ADK: variants seen among roughly 807,000 people sequenced by gnomAD.
ADK encodes adenosine kinase.
In ADK, 24 loss-of-function variants were observed where a neutral mutation model predicts 44.7. That is an observed-to-expected ratio of 0.54 (90% CI 0.39 to 0.76). The LOEUF (loss-of-function observed/expected upper bound fraction) is 0.76, where lower values mean the gene tolerates loss of function less well. Among genes scored for constraint, ADK ranks in the 30% least tolerant of loss-of-function variants. The pLI is 0.00. For synonymous variants in ADK, 128 were observed against 142.6 expected, an observed-to-expected ratio of 0.90 and a Z score of 0.73; for missense variants, 321 against 425.1, an observed-to-expected ratio of 0.76 and a Z score of 2.15.
chr10:74,441,967 A>G (rs1027938222), intron 6 of ADK, among the ~76,000 whole-genome samples: 3 of 152,110 alleles, frequency 2.0e-5, no homozygotes, highest in Non-Finnish European at 4.4e-5. Context: ...GTCCCTAATC[A>G]TCAAAGAAAT....
At chr10:74,216,382 C>T (rs1281512543) in intron 2 of ADK, among the ~76,000 whole-genome samples, 2 of 151,668 alleles carry the variant, frequency 1.3e-5, no homozygotes, top group Non-Finnish European at 2.9e-5. Flanking sequence ...TCCTTCTCTG[C>T]CTTCAAAATG....
At chr10:74,544,155 T>TA (rs1390839822) in intron 7 of ADK, among the ~76,000 whole-genome samples, 2 of 152,236 alleles carry the variant, frequency 1.3e-5, no homozygotes, top group East Asian at 3.8e-4. Flanking sequence ...TTACAATGCT[T>TA]ACATGTTTCT....
intron 1 of ADK, among the ~76,000 whole-genome samples, chr10:74,191,332 T>G (rs1332636078): frequency 2.0e-5 from 3 of 151,846 alleles, no homozygotes; most frequent in Admixed American, 6.6e-5. Context: ...GAAGAGAGGA[T>G]TTTTGGAGGT....
At chr10:74,447,170 A>C (rs1173762898) in intron 6 of ADK, among the ~76,000 whole-genome samples, 1 of 152,206 alleles carries the variant, frequency 6.6e-6, no homozygotes, top group Non-Finnish European at 1.5e-5. Flanking sequence ...GAAGCCTCAC[A>C]GAAAAGAATT....
chr10:74,569,217 A>T (rs1850829203), intron 7 of ADK, among the ~76,000 whole-genome samples: 1 of 152,180 alleles, frequency 6.6e-6, no homozygotes, highest in African/African-American at 2.4e-5. Context: ...TGCTATTGTG[A>T]ATAGTGCCGC....
At chr10:74,465,206 C>T (rs1846309025) in intron 6 of ADK, among the ~76,000 whole-genome samples, 1 of 152,010 alleles carries the variant, frequency 6.6e-6, no homozygotes, top group Admixed American at 6.6e-5. Flanking sequence ...GCAAGTTGTG[C>T]ACATATTAGG....
At chr10:74,543,244 G>A (rs1379895901) in intron 7 of ADK, among the ~76,000 whole-genome samples, 1 of 150,262 alleles carries the variant, frequency 6.7e-6, no homozygotes, top group African/African-American at 2.5e-5. Context: ...GGGTCTCACT[G>A]TGTTGCCCAG....
At chr10:74,343,407 T>G (rs1841652581) in intron 4 of ADK, among the ~76,000 whole-genome samples, 1 of 152,158 alleles carries the variant, frequency 6.6e-6, no homozygotes. Context: ...AGAAAATGTA[T>G]GTACTATTTA....
chr10:74,219,854 G>A (rs970416747), intron 2 of ADK, among the ~76,000 whole-genome samples: 12 of 151,032 alleles, frequency 7.9e-5, no homozygotes, highest in Admixed American at 5.3e-4. Flanking sequence ...AGAATCTCTG[G>A]GACACATTCA....
At chr10:74,440,144 T>G (rs1845347520) in intron 6 of ADK, among the ~76,000 whole-genome samples, 1 of 152,132 alleles carries the variant, frequency 6.6e-6, no homozygotes, top group African/African-American at 2.4e-5. Flanking sequence ...TAGTATTGTT[T>G]AAATAATTTT....
chr10:74,174,708 T>C (rs895240635), intron 1 of ADK: 1 of 152,262 alleles, frequency 6.6e-6, no homozygotes, highest in Non-Finnish European at 1.5e-5. Flanking sequence ...AGAGGAACAA[T>C]TGACTAATTC....
chr10:74,284,576 C>T (rs192642592), intron 3 of ADK, among the ~76,000 whole-genome samples: 168 of 152,298 alleles, frequency 1.1e-3, no homozygotes, highest in African/African-American at 3.9e-3. Flanking sequence ...TCATCTCTTA[C>T]ATTAGGTGCC....
intron 8 of ADK, among the ~76,000 whole-genome samples, chr10:74,591,056 T>A (rs1174699515): frequency 1.3e-5 from 2 of 152,188 alleles, no homozygotes; most frequent in African/African-American, 4.8e-5. Context: ...ATGATCATGA[T>A]CCTGTAGTAT....
chr10:74,539,979 C>T (rs1032372066), intron 7 of ADK, among the ~76,000 whole-genome samples: 1 of 152,138 alleles, frequency 6.6e-6, no homozygotes, highest in African/African-American at 2.4e-5. Context: ...TAACTATATG[C>T]TCTGCATCTC....
At chr10:74,507,119 C>T (rs1326812906) in intron 6 of ADK, among the ~76,000 whole-genome samples, 1 of 151,962 alleles carries the variant, frequency 6.6e-6, no homozygotes, top group African/African-American at 2.4e-5. Flanking sequence ...ATTGTTTGGA[C>T]TTAACATTAA....
chr10:74,563,143 TC>T (rs140457276), intron 7 of ADK, among the ~76,000 whole-genome samples: 146 of 152,264 alleles, frequency 9.6e-4, no homozygotes, highest in African/African-American at 3.4e-3. Context: ...CACAACTACA[TC>T]CTTGAATTCC....
chr10:74,372,253 A>G, intron 4 of ADK: 1 of 762,848 alleles, frequency 1.3e-6, no homozygotes, highest in Admixed American at 1.7e-5. Flanking sequence ...ACTGCTACTC[A>G]GCCTGAGGTT....
rs118174312 is a variant in ADK, at chr10:74,635,434, T to A, written c.878-34749T>A. Among the ~76,000 whole-genome samples, 658 of 152,322 alleles carry A rather than the reference T, an allele frequency of 4.3e-3. 3 individuals are homozygous for A. Among genetic ancestry groups the A allele is most frequent in the Middle Eastern group, 0.034 (10 of 294 alleles). Reference sequence around the variant, plus strand: ...GTTATATAAACATAAGAGTATATACTATGTGATTCCATTTGTATAAAGTCA... The same window carrying A: ...GTTATATAAACATAAGAGTATATACAATGTGATTCCATTTGTATAAAGTCA... On this transcript the variant is annotated intron_variant, in intron 9 of 10. Coordinates refer to ENST00000539909, the MANE Select transcript of ADK (RefSeq NM_006721.4).
intron 6 of ADK, among the ~76,000 whole-genome samples, chr10:74,488,019 A>G (rs570618453): frequency 6.6e-6 from 1 of 152,108 alleles, no homozygotes; most frequent in African/African-American, 2.4e-5. Flanking sequence ...ATGGCATGTA[A>G]TGAGAAGTAT....
Sources: gnomAD v4.1 joint callset for allele counts (sites outside exome capture counted in the v4.1 genomes callset) on GRCh38, gnomAD v4.1.1 for gene constraint, MANE v1.5 for transcripts, NCBI Gene and HGNC (gene_info 2026-07-23, HGNC 2026-07-21) for gene names.